Variants in CDH8 observed in about 807,000 individuals in gnomAD.
CDH8 encodes the protein cadherin-8.
A neutral mutation model predicts 68.1 loss-of-function variants in CDH8; 17 were observed. The observed-to-expected ratio is 0.25, with a 90% CI of 0.17 to 0.37. CDH8 has a LOEUF of 0.37. CDH8 is among the 10% of genes least tolerant of loss of function. The pLI is 1.00. For synonymous variants in CDH8, 372 were observed against 365.1 expected, an observed-to-expected ratio of 1.02 and a Z score of -0.21; for missense variants, 763 against 999.3, an observed-to-expected ratio of 0.76 and a Z score of 3.19.
At chr16:61,712,571 C>G (rs993043841) in intron 10 of CDH8, among the ~76,000 whole-genome samples, 1 of 151,592 alleles carries the variant, frequency 6.6e-6, no homozygotes, top group Non-Finnish European at 1.5e-5. Context: ...TAGAAATATT[C>G]ATATGATTTC....
At chr16:61,962,237 C>T (rs1291501825) in intron 2 of CDH8, among the ~76,000 whole-genome samples, 1 of 152,098 alleles carries the variant, frequency 6.6e-6, no homozygotes, top group African/African-American at 2.4e-5. Flanking sequence ...CCAGTGGACT[C>T]ATAAAGTTCA....
intron 8 of CDH8, among the ~76,000 whole-genome samples, chr16:61,766,503 C>T (rs546890846): frequency 1.3e-5 from 2 of 151,992 alleles, no homozygotes; most frequent in South Asian, 4.1e-4. Flanking sequence ...TGGGTAGATA[C>T]CCAGCATGGG....
chr16:61,849,889 A>T (rs1384525922), intron 4 of CDH8, among the ~76,000 whole-genome samples: 5 of 152,196 alleles, frequency 3.3e-5, no homozygotes, highest in Non-Finnish European at 5.9e-5. Context: ...AACAAAAATA[A>T]CAAAAGTAAT....
intron 8 of CDH8, among the ~76,000 whole-genome samples, chr16:61,768,314 TTCTCTCTCTCTCTCTCTCTC>T (rs1206629963): frequency 5.2e-4 from 9 of 17,196 alleles, no homozygotes; most frequent in East Asian, 2.6e-3. Flanking sequence ...GTCTCTCCCT[TTCTCTCTCTCTCTCTCTCTC>T]TCTCTCTCTC....
intron 7 of CDH8, among the ~76,000 whole-genome samples, chr16:61,811,700 A>T (rs992888270): frequency 6.6e-6 from 1 of 152,230 alleles, no homozygotes; most frequent in Non-Finnish European, 1.5e-5. Context: ...TTGAAACACT[A>T]TTCAATGTGT....
chr16:62,022,528 A>T (rs1902099142), intron 1 of CDH8, among the ~76,000 whole-genome samples: 1 of 152,170 alleles, frequency 6.6e-6, no homozygotes, highest in African/African-American at 2.4e-5. Context: ...CAGCGTGGCA[A>T]AATGTGTTTC....
intron 2 of CDH8, among the ~76,000 whole-genome samples, chr16:61,987,757 A>G (rs988541976): frequency 2.0e-5 from 3 of 151,620 alleles, no homozygotes; most frequent in Non-Finnish European, 4.4e-5. Flanking sequence ...AAAAAAAAAA[A>G]CCCAGTCTCT....
In CDH8 at chr16:61,653,283, AT is replaced by A. The variant is rs753689079; in HGVS notation, c.*324del. The A allele has an allele frequency of 2.0e-5, 24 of 1,171,508 alleles. No homozygotes were observed. Among genetic ancestry groups the A allele is most frequent in the Non-Finnish European group, 2.5e-5 (24 of 952,354 alleles). 72.6% of individuals were successfully genotyped at this position (1,171,508 alleles called of 1,614,324 possible). The stretch of plus-strand genomic sequence containing the variant: ...TCTAAGAAAGCACCTTTTAATTATG[AT>A]TTTTTCCTCTATTTAAACCATTTAT... On this transcript the variant is annotated 3_prime_UTR_variant, in exon 12 of 12. Transcript: ENST00000577390.
intron 1 of CDH8, among the ~76,000 whole-genome samples, chr16:62,035,352 T>G (rs555576044): frequency 7.2e-5 from 11 of 152,242 alleles, no homozygotes; most frequent in African/African-American, 2.4e-4. Context: ...GGGGCCTCCG[T>G]GCACGCAATC....
At chr16:61,782,214 G>A (rs929920624) in intron 8 of CDH8, among the ~76,000 whole-genome samples, 2 of 152,176 alleles carry the variant, frequency 1.3e-5, no homozygotes, top group African/African-American at 4.8e-5. Context: ...GACAGTGGGC[G>A]CAGGCCAGTG....
chr16:62,022,298 G>C (rs1363113608), intron 1 of CDH8, among the ~76,000 whole-genome samples: 2 of 152,098 alleles, frequency 1.3e-5, no homozygotes, highest in Non-Finnish European at 2.9e-5. Context: ...AATGCTCCCA[G>C]AGAAAAATTC....
intron 3 of CDH8, among the ~76,000 whole-genome samples, chr16:61,895,547 TAAG>T (rs1963856242): frequency 6.6e-6 from 1 of 152,114 alleles, no homozygotes; most frequent in African/African-American, 2.4e-5. Context: ...CAGAGAAAAC[TAAG>T]AATACCCCAA....
At chr16:61,761,810 C>G (rs62050516) in intron 8 of CDH8, among the ~76,000 whole-genome samples, 24,641 of 151,786 alleles carry the variant, frequency 0.16, 2,122 homozygotes, top group Middle Eastern at 0.21. Flanking sequence ...AAAGACCAGC[C>G]CGGGCAATAT....
At chr16:61,818,667 T>C (rs1221645261) in intron 6 of CDH8, among the ~76,000 whole-genome samples, 1 of 152,212 alleles carries the variant, frequency 6.6e-6, no homozygotes, top group Non-Finnish European at 1.5e-5. Flanking sequence ...AGCACCTTTA[T>C]AGCCCAATTT....
At chr16:61,899,308 G>T (rs1425698370) in intron 3 of CDH8, among the ~76,000 whole-genome samples, 1 of 152,126 alleles carries the variant, frequency 6.6e-6, no homozygotes, top group Non-Finnish European at 1.5e-5. Context: ...GATTTTTAAT[G>T]TGAAATTTGA....
chr16:61,861,512 G>T (rs1268245631), intron 3 of CDH8, among the ~76,000 whole-genome samples: 1 of 152,162 alleles, frequency 6.6e-6, no homozygotes, highest in Non-Finnish European at 1.5e-5. Flanking sequence ...GCTGGAGTAA[G>T]GGGTTGGGTT....
At position 61,704,047 on chromosome 16, in the gene CDH8, G is replaced by T. The variant is rs551973560; in HGVS notation, c.1654+9794C>A. On this transcript the variant is annotated intron_variant, in intron 10 of 11. Transcript: ENST00000577390. ...TCAAGCAAGGTCTTATGATCATACG[G>T]CCTATGTATTTACAGAAAATACTTC... 2.0e-5 allele frequency among the ~76,000 whole-genome samples: 3 copies of T among 152,124 alleles called. No individual in the cohort carries two copies. The South Asian group carries it at 6.2e-4, about 32-fold the overall frequency.
chr16:61,761,415 C>G (rs140200223), intron 8 of CDH8, among the ~76,000 whole-genome samples: 1 of 152,222 alleles, frequency 6.6e-6, no homozygotes, highest in East Asian at 1.9e-4. Flanking sequence ...TTGATGATAA[C>G]TAATTCTGGT....
chr16:61,855,476 G>A (rs181625850), intron 4 of CDH8, among the ~76,000 whole-genome samples: 7 of 152,216 alleles, frequency 4.6e-5, no homozygotes, highest in Non-Finnish European at 1.0e-4. Flanking sequence ...TGAGATACTT[G>A]TAGACTGAGA....
Sources: gnomAD v4.1 joint callset for allele counts (sites outside exome capture counted in the v4.1 genomes callset) on GRCh38, gnomAD v4.1.1 for gene constraint, MANE v1.5 for transcripts, NCBI Gene and HGNC (gene_info 2026-07-23, HGNC 2026-07-21) for gene names.